Variants in PRKCQ observed in about 807,000 individuals in gnomAD.
The protein encoded by PRKCQ is protein kinase C theta type.
A neutral mutation model predicts 91.2 loss-of-function variants in PRKCQ; 41 were observed. The ratio of observed to expected loss-of-function variants is 0.45; its 90% CI spans 0.35 to 0.58. PRKCQ has a LOEUF of 0.58. Ranked by LOEUF, PRKCQ falls within the 20% of genes least tolerant of loss-of-function variation. The pLI, the probability that PRKCQ is intolerant of heterozygous loss-of-function variation, is 0.00. For missense variants in PRKCQ, 673 were observed against 896.5 expected (o/e 0.75, Z 3.18); for synonymous variants, 307 against 316.9 (o/e 0.97, Z 0.33).
intron 1 of PRKCQ, among the ~76,000 whole-genome samples, chr10:6,563,151 C>T (rs558798633): frequency 7.2e-5 from 11 of 152,044 alleles, no homozygotes; most frequent in African/African-American, 2.2e-4. Flanking sequence ...CACTTTGGCT[C>T]AAGAGTGAAG....
chr10:6,453,340 C>G (rs1834815844), intron 15 of PRKCQ, among the ~76,000 whole-genome samples: 1 of 152,184 alleles, frequency 6.6e-6, no homozygotes, highest in African/African-American at 2.4e-5. Context: ...CACTGGCCAT[C>G]AGAGAAATGC....
chr10:6,579,680 A>T (rs1455355411), intron 1 of PRKCQ, among the ~76,000 whole-genome samples: 3 of 147,168 alleles, frequency 2.0e-5, no homozygotes, highest in Non-Finnish European at 1.5e-5. Context: ...TCTTTCAAAG[A>T]CCTGCCTCCC....
Position 6,497,313 on chromosome 10 carries a change from T to G in PRKCQ, c.543-62A>C. 6.3e-7 allele frequency: 1 copy of G among 1,586,148 alleles called. No homozygotes were observed. The highest frequency in any genetic ancestry group is 1.1e-5 in the South Asian group (1 of 90,366). On this transcript the variant is annotated intron_variant, in intron 5 of 17. Coordinates refer to ENST00000263125, the MANE Select transcript of PRKCQ (RefSeq NM_006257.5). This position sits in a 1 kb window ranked among gnomAD's most constrained non-coding sequence, Gnocchi z 4.5. Reference sequence around the variant, plus strand: ...GCATCAACATCAGCACCAACAGCATTTAAGAGATGGATGAGATCTCATAAC... The same window carrying G: ...GCATCAACATCAGCACCAACAGCATGTAAGAGATGGATGAGATCTCATAAC...
intron 1 of PRKCQ, among the ~76,000 whole-genome samples, chr10:6,545,752 C>G (rs1168220304): frequency 1.3e-5 from 2 of 152,138 alleles, no homozygotes; most frequent in Non-Finnish European, 2.9e-5. Flanking sequence ...GTGGCTCATG[C>G]CTGCAATCCC....
chr10:6,426,065 C>T (rs181136024), downstream of PRKCQ, among the ~76,000 whole-genome samples: 4 of 152,226 alleles, frequency 2.6e-5, no homozygotes, highest in Non-Finnish European at 5.9e-5. Context: ...GTGGAATCCA[C>T]GAGTGTCTGT....
Position 6,467,353 on chromosome 10 carries a change from G to C in PRKCQ, c.1354-2949C>G, listed in dbSNP as rs554579617. Among the ~76,000 whole-genome samples the C allele has an allele frequency of 4.1e-3, 508 of 123,494 alleles. 2 individuals are homozygous for C. The highest frequency in any genetic ancestry group is 0.018 in the South Asian group (66 of 3,714). The allele number at this position is 123,494 out of a possible 152,430, so 81.0% of individuals were successfully genotyped here. ...AGACAGACAGAGAGAGAGAGAGAGA[G>C]AGACAGAGAGAGAGAGAGAGACAGA... On this transcript the variant is annotated intron_variant, in intron 12 of 17. Transcript: ENST00000263125.
chr10:6,457,453 T>C lies in PRKCQ; in HGVS notation c.1509-641A>G, dbSNP rs569745681. Among the ~76,000 whole-genome samples the C allele has an allele frequency of 4.1e-4, 62 of 152,264 alleles. No individual in the cohort carries two copies. In the South Asian group the frequency reaches 8.9e-3, roughly 22 times the overall value. On this transcript the variant is annotated intron_variant, in intron 14 of 17. Transcript: ENST00000263125. ...TTACCATATGTGACACCCCAAATATTTGAAAAAAATGACATCAAGTTTTCT... is the reference window on the plus strand; with the variant it reads ...TTACCATATGTGACACCCCAAATATCTGAAAAAAATGACATCAAGTTTTCT...
At chr10:6,453,109 A>C (rs1260392432) in intron 15 of PRKCQ, among the ~76,000 whole-genome samples, 8 of 151,444 alleles carry the variant, frequency 5.3e-5, no homozygotes, top group Non-Finnish European at 1.0e-4. Flanking sequence ...TGCACAGCAA[A>C]AGAAACTACC....
chr10:6,534,795 T>G (rs55654330), intron 1 of PRKCQ, among the ~76,000 whole-genome samples: 210 of 127,234 alleles, frequency 1.7e-3, no homozygotes, highest in African/African-American at 4.4e-3. Flanking sequence ...TATATATAGA[T>G]ATATATATAT....
At chr10:6,419,029 T>C in the PRKCQ span, among the ~76,000 whole-genome samples, 2 of 139,030 alleles carry the variant, frequency 1.4e-5, no homozygotes, top group Non-Finnish European at 3.3e-5. Context: ...CTATCATCTA[T>C]CTACCTATCA....
At chr10:6,467,393 G>C (rs1025465200) in intron 12 of PRKCQ, among the ~76,000 whole-genome samples, 58 of 36,556 alleles carry the variant, frequency 1.6e-3, no homozygotes, top group African/African-American at 3.7e-3. Flanking sequence ...GACAGACAGA[G>C]AGAGAGAGAG....
At chr10:6,511,762 AT>A (rs1021240593) in intron 2 of PRKCQ, among the ~76,000 whole-genome samples, 2 of 151,946 alleles carry the variant, frequency 1.3e-5, no homozygotes, top group African/African-American at 2.4e-5. Flanking sequence ...GTTCTTTAAT[AT>A]TTTTTTTGAG....
chr10:6,489,102 G>T (rs1837117408), intron 8 of PRKCQ, among the ~76,000 whole-genome samples: 1 of 152,014 alleles, frequency 6.6e-6, no homozygotes, highest in South Asian at 2.1e-4. Flanking sequence ...CTATAGAAAG[G>T]ATTTTTTTTT....
At chr10:6,456,546 T>C in intron 15 of PRKCQ, 128 bp downstream of exon 15, 2 of 1,252,116 alleles carry the variant, frequency 1.6e-6, no homozygotes, top group Non-Finnish European at 2.2e-6. Context: ...GTTTATGAGA[T>C]ACTTAAGAAA....
At chr10:6,411,791 C>T in the PRKCQ span, among the ~76,000 whole-genome samples, 1 of 152,160 alleles carries the variant, frequency 6.6e-6, no homozygotes, top group East Asian at 1.9e-4. Flanking sequence ...TCACTGTCAC[C>T]TGAGGGCCAC....
At chr10:6,404,382 C>T in the PRKCQ span, among the ~76,000 whole-genome samples, 22 of 121,992 alleles carry the variant, frequency 1.8e-4, no homozygotes, top group African/African-American at 5.1e-4. Context: ...TTCTTTCTTT[C>T]GTTCTTTCTT....
chr10:6,572,012 C>T (rs112966083), intron 1 of PRKCQ, among the ~76,000 whole-genome samples: 2,687 of 152,194 alleles, frequency 0.018, 34 homozygotes, highest in Non-Finnish European at 0.023. Context: ...AGTTTCTTAA[C>T]CTGCACACCT....
chr10:6,552,330 C>T (rs181470690), intron 1 of PRKCQ, among the ~76,000 whole-genome samples: 2 of 152,278 alleles, frequency 1.3e-5, no homozygotes, highest in East Asian at 3.9e-4. Flanking sequence ...AGTTATAAAA[C>T]ACAATATAAA....
the PRKCQ span, among the ~76,000 whole-genome samples, chr10:6,411,957 T>C: frequency 2.0e-5 from 3 of 152,212 alleles, no homozygotes; most frequent in Non-Finnish European, 4.4e-5. Context: ...CTAAGTCTTT[T>C]TGATAAACAC....
Sources: allele counts gnomAD v4.1 joint callset (sites outside exome capture counted in the v4.1 genomes callset), GRCh38; gene constraint gnomAD v4.1.1; non-coding constraint Gnocchi (gnomAD v3.1); transcripts MANE v1.5; gene names NCBI Gene and HGNC (gene_info 2026-07-23, HGNC 2026-07-21).